Variants in CAB39L observed in about 807,000 individuals in gnomAD.
CAB39L encodes calcium-binding protein 39-like.
A neutral mutation model predicts 39.1 loss-of-function variants in CAB39L; 23 were observed. The observed-to-expected ratio is 0.59, with a 90% CI of 0.42 to 0.83. The LOEUF (loss-of-function observed/expected upper bound fraction) is 0.83, where lower values mean the gene tolerates loss of function less well. Among genes scored for constraint, CAB39L ranks in the 40% least tolerant of loss-of-function variants. CAB39L has a pLI of 0.00. For synonymous variants in CAB39L, 126 were observed against 137.2 expected, an observed-to-expected ratio of 0.92 and a Z score of 0.57; for missense variants, 366 against 391.9, an observed-to-expected ratio of 0.93 and a Z score of 0.56.
chr13:49,400,810 A>G (rs1956753652), intron 3 of CAB39L, among the ~76,000 whole-genome samples: 1 of 152,178 alleles, frequency 6.6e-6, no homozygotes, highest in South Asian at 2.1e-4. Context: ...TGAAAGAGAA[A>G]CATGAAAAAA....
intron 3 of CAB39L, among the ~76,000 whole-genome samples, chr13:49,394,659 C>T (rs1956567877): frequency 6.6e-6 from 1 of 151,828 alleles, no homozygotes; most frequent in Admixed American, 6.6e-5. Flanking sequence ...TGTGATATAC[C>T]CAGTTGATGG....
At chr13:49,410,618 T>C (rs563442176) in intron 3 of CAB39L, among the ~76,000 whole-genome samples, 5 of 152,316 alleles carry the variant, frequency 3.3e-5, no homozygotes, top group African/African-American at 1.2e-4. Flanking sequence ...ACAGAAAACC[T>C]TGAGTTATAA....
intron 3 of CAB39L, among the ~76,000 whole-genome samples, chr13:49,398,246 G>A (rs764010462): frequency 5.3e-5 from 8 of 152,048 alleles, no homozygotes; most frequent in Admixed American, 1.3e-4. Flanking sequence ...AAACTGCAAA[G>A]TATGTTATCT....
chr13:49,368,658 T>A (rs1955833429), intron 5 of CAB39L, among the ~76,000 whole-genome samples: 1 of 152,162 alleles, frequency 6.6e-6, no homozygotes, highest in East Asian at 1.9e-4. Context: ...ATGTAACCAA[T>A]AAGATCCCAA....
At chr13:49,327,217 T>C (rs557797245) in intron 10 of CAB39L, among the ~76,000 whole-genome samples, 1 of 152,328 alleles carries the variant, frequency 6.6e-6, no homozygotes, top group African/African-American at 2.4e-5. Context: ...GACACTCCTG[T>C]ATGATATCGC....
At chr13:49,418,100 A>C (rs925682822) in intron 3 of CAB39L, among the ~76,000 whole-genome samples, 2 of 152,196 alleles carry the variant, frequency 1.3e-5, no homozygotes, top group Admixed American at 1.3e-4. Context: ...CTTATACATG[A>C]ATGTTCAAAG....
At position 49,382,733 on chromosome 13, in the gene CAB39L, T is replaced by A. The variant is rs1320299024; in HGVS notation, c.111+67A>T. Reference sequence around the variant, plus strand: ...CCATATTTTGAATTCTTCATTAAGCTTTTACATTGGTTTTTGGCATTGCGA... The same window carrying A: ...CCATATTTTGAATTCTTCATTAAGCATTTACATTGGTTTTTGGCATTGCGA... On this transcript the variant is annotated intron_variant, in intron 4 of 10. Coordinates refer to ENST00000409308, the MANE Select transcript of CAB39L (RefSeq NM_001079670.3). The A allele has an allele frequency of 1.3e-5, 12 of 958,948 alleles. No individual in the cohort carries two copies. The East Asian group carries it at 2.9e-4, about 23-fold the overall frequency. 59.4% of individuals were successfully genotyped at this position (958,948 alleles called of 1,614,324 possible).
chr13:49,420,531 C>T (rs1248758162), intron 3 of CAB39L: 1 of 152,438 alleles, frequency 6.6e-6, no homozygotes, highest in Non-Finnish European at 1.5e-5. Context: ...AGGCTGTCGC[C>T]TCAGCTTCCC....
At chr13:49,377,166 A>C in intron 4 of CAB39L, 35 bp from the exon 5 acceptor site, 1 of 1,582,030 alleles carries the variant, frequency 6.3e-7, no homozygotes, top group Non-Finnish European at 8.6e-7. Context: ...GGTTAAAAGA[A>C]TAAAAATGTT....
chr13:49,405,721 GGAAGGA>G (rs1956858697), intron 3 of CAB39L, among the ~76,000 whole-genome samples: 1 of 120,014 alleles, frequency 8.3e-6, no homozygotes, highest in African/African-American at 3.3e-5. Flanking sequence ...AAGAGAGAGA[GGAAGGA>G]AGGAAGGAAG....
At chr13:49,414,889 G>T (rs1475190375) in intron 3 of CAB39L, among the ~76,000 whole-genome samples, 1 of 151,910 alleles carries the variant, frequency 6.6e-6, no homozygotes, top group Non-Finnish European at 1.5e-5. Context: ...CCATTAAGTA[G>T]GCATTAAAAA....
intron 5 of CAB39L, 61 bp from the exon 6 acceptor site, chr13:49,359,893 G>A: frequency 1.1e-6 from 1 of 894,228 alleles, no homozygotes; most frequent in Non-Finnish European, 1.8e-6. Flanking sequence ...TGTATAGTAT[G>A]TGGAATATAT....
intron 3 of CAB39L, among the ~76,000 whole-genome samples, chr13:49,383,423 T>C (rs529304681): frequency 1.5e-4 from 23 of 152,320 alleles, no homozygotes; most frequent in Non-Finnish European, 3.2e-4. Context: ...TAGACATTTC[T>C]GGCTCTTTGA....
At chr13:49,331,097 A>C (rs1394449472) in intron 10 of CAB39L, among the ~76,000 whole-genome samples, 1 of 152,178 alleles carries the variant, frequency 6.6e-6, no homozygotes, top group African/African-American at 2.4e-5. Flanking sequence ...AAAATGTACT[A>C]AACTATTTAC....
At chr13:49,405,469 C>A (rs1371573537) in intron 3 of CAB39L, among the ~76,000 whole-genome samples, 1 of 150,276 alleles carries the variant, frequency 6.7e-6, no homozygotes, top group African/African-American at 2.5e-5. Context: ...CATTAAGGTA[C>A]AATAAGAATC....
intron 7 of CAB39L, among the ~76,000 whole-genome samples, chr13:49,348,902 G>A (rs1212969489): frequency 6.6e-6 from 1 of 152,076 alleles, no homozygotes; most frequent in Non-Finnish European, 1.5e-5. Flanking sequence ...CCGCCTCCAG[G>A]GAGACCACGC....
intron 3 of CAB39L, among the ~76,000 whole-genome samples, chr13:49,403,563 A>C (rs1472710539): frequency 6.6e-6 from 1 of 152,172 alleles, no homozygotes; most frequent in Non-Finnish European, 1.5e-5. Context: ...AGACATTAAA[A>C]CTATTAAAAA....
At chr13:49,332,536 CCT>C (rs991337920) in intron 9 of CAB39L, among the ~76,000 whole-genome samples, 1 of 151,978 alleles carries the variant, frequency 6.6e-6, no homozygotes, top group African/African-American at 2.4e-5. Flanking sequence ...TTACATTTCC[CCT>C]GACTTTTATT....
rs2147398 is a variant in CAB39L, at chr13:49,309,919, G to A, written c.*895C>T. On this transcript the variant is annotated 3_prime_UTR_variant, in exon 11 of 11. Coordinates refer to ENST00000409308, the MANE Select transcript of CAB39L (RefSeq NM_001079670.3). ...CCCCGCTGAGACTCCCTGGACCCAT[G>A]GTTTGTGCCTGCTGGGCATCCCACT... The A allele has an allele frequency of 0.3, 45,508 of 152,064 alleles. 6,961 individuals carry two copies. Among genetic ancestry groups the A allele is most frequent in the East Asian group, 0.51 (2,627 of 5,170 alleles). The allele number at this position is 152,064 out of a possible 1,614,324, so 9.4% of individuals were successfully genotyped here. A position where few individuals can be genotyped will look rare whatever the true frequency, so the allele number is the denominator to read the frequency against.
Sources: allele counts gnomAD v4.1 joint callset (sites outside exome capture counted in the v4.1 genomes callset), GRCh38; gene constraint gnomAD v4.1.1; transcripts MANE v1.5; gene names NCBI Gene and HGNC (gene_info 2026-07-23, HGNC 2026-07-21).